The following MSRA variants were observed in gnomAD, a reference collection of about 807,000 sequenced individuals.
MSRA encodes mitochondrial peptide methionine sulfoxide reductase.
MSRA carries 54 observed loss-of-function variants against 31.3 expected under a neutral mutation model. That is an observed-to-expected ratio of 1.73 (90% CI 1.39 to 2.17). The LOEUF is 2.17. Among genes scored for constraint, MSRA ranks in the 30% most tolerant of loss-of-function variants. The pLI, the probability that MSRA is intolerant of heterozygous loss-of-function variation, is 0.00. For synonymous variants in MSRA, 169 were observed against 116.5 expected (o/e 1.45, Z -2.90); for missense variants, 507 against 300.9 (o/e 1.69, Z -5.07).
At chr8:10,367,756 T>C (rs1461815798) in intron 5 of MSRA, among the ~76,000 whole-genome samples, 1 of 152,258 alleles carries the variant, frequency 6.6e-6, no homozygotes, top group Non-Finnish European at 1.5e-5. Flanking sequence ...ACTGGTGTGT[T>C]GTGCTCAGCA....
At chr8:10,306,531 G>C (rs1419498554) in intron 4 of MSRA, among the ~76,000 whole-genome samples, 1 of 151,934 alleles carries the variant, frequency 6.6e-6, no homozygotes, top group Non-Finnish European at 1.5e-5. Context: ...TGGTTGGAAA[G>C]AGTTCAGCAT....
chr8:10,143,836 C>G (rs1421402245), intron 1 of MSRA, among the ~76,000 whole-genome samples: 1 of 152,218 alleles, frequency 6.6e-6, no homozygotes, highest in African/African-American at 2.4e-5. Context: ...ACCTCTAACT[C>G]TTCCTCAAAC....
intron 1 of MSRA, among the ~76,000 whole-genome samples, chr8:10,159,418 C>G (rs996274487): frequency 2.0e-5 from 3 of 152,092 alleles, no homozygotes; most frequent in African/African-American, 7.2e-5. Flanking sequence ...AGCAGTATCT[C>G]CAGAACTGGG....
chr8:10,207,243 G>A (rs7843443), intron 1 of MSRA, among the ~76,000 whole-genome samples: 10,230 of 152,216 alleles, frequency 0.067, 463 homozygotes, highest in African/African-American at 0.14. Context: ...GGACCTGGGT[G>A]GGGGGATAAG....
intron 1 of MSRA, among the ~76,000 whole-genome samples, chr8:10,082,363 G>C (rs1301335456): frequency 6.6e-6 from 1 of 152,130 alleles, no homozygotes; most frequent in Non-Finnish European, 1.5e-5. Flanking sequence ...CTCTAACCCT[G>C]GTTATTCCTG....
chr8:10,414,131 C>T (rs1242642868), intron 5 of MSRA, among the ~76,000 whole-genome samples: 1 of 152,074 alleles, frequency 6.6e-6, no homozygotes, highest in Non-Finnish European at 1.5e-5. Flanking sequence ...CGTGCCACTG[C>T]ACTCCAGCCT....
At chr8:10,336,720 T>G (rs113543942) in intron 5 of MSRA, 2 of 152,232 alleles carry the variant, frequency 1.3e-5, no homozygotes, top group Non-Finnish European at 2.9e-5. Context: ...CTGTATTTAT[T>G]CATACATTAG....
At chr8:10,091,827 G>A (rs907789967) in intron 1 of MSRA, among the ~76,000 whole-genome samples, 2 of 152,026 alleles carry the variant, frequency 1.3e-5, no homozygotes, top group African/African-American at 2.4e-5. Context: ...GGCTGGTCTC[G>A]AACTCTTGTC....
chr8:10,253,106 G>A (rs1798001914), intron 3 of MSRA, among the ~76,000 whole-genome samples: 1 of 152,180 alleles, frequency 6.6e-6, no homozygotes, highest in African/African-American at 2.4e-5. Context: ...ACTGAAGGCT[G>A]GCAAGCAGCA....
chr8:10,246,116 G>A (rs189592465), intron 3 of MSRA, among the ~76,000 whole-genome samples: 307 of 152,320 alleles, frequency 2.0e-3, no homozygotes, highest in African/African-American at 7.1e-3. Flanking sequence ...GTAAATTTTT[G>A]TTGAAGCACA....
In MSRA at chr8:10,240,396, A is replaced by G. The variant is rs967985019; in HGVS notation, c.212-4708A>G. Among the ~76,000 whole-genome samples, 5 of 152,252 alleles carry G rather than the reference A, an allele frequency of 3.3e-5. No homozygotes were observed. The South Asian group carries it at 8.3e-4, about 25-fold the overall frequency. ...TTGTGGCCAGTTCGTTCCTGCATCC[A>G]TTACGCAGGTACTAGGGTAGCCAGT... On this transcript the variant is annotated intron_variant, in intron 2 of 5. Coordinates refer to ENST00000317173, the MANE Select transcript of MSRA (RefSeq NM_012331.5).
At chr8:10,205,315 GA>G (rs1230523537) in intron 1 of MSRA, among the ~76,000 whole-genome samples, 1 of 152,086 alleles carries the variant, frequency 6.6e-6, no homozygotes, top group Non-Finnish European at 1.5e-5. Flanking sequence ...AAGTGAGGGG[GA>G]TGCTACAGGT....
At chr8:10,360,384 A>G (rs1157262545) in intron 5 of MSRA, among the ~76,000 whole-genome samples, 3 of 152,184 alleles carry the variant, frequency 2.0e-5, no homozygotes, top group Non-Finnish European at 4.4e-5. Flanking sequence ...TGGACTTGTA[A>G]TTTGGAGTTC....
intron 3 of MSRA, among the ~76,000 whole-genome samples, chr8:10,269,722 C>A (rs1798930531): frequency 6.6e-6 from 1 of 152,194 alleles, no homozygotes; most frequent in African/African-American, 2.4e-5. Flanking sequence ...TTGATCTCGG[C>A]TCACTGCAAG....
intron 2 of MSRA, among the ~76,000 whole-genome samples, chr8:10,231,314 A>G (rs919923394): frequency 3.9e-5 from 6 of 152,180 alleles, no homozygotes; most frequent in African/African-American, 1.4e-4. Flanking sequence ...TTCATTTGAG[A>G]TGAGTAAGAG....
intron 5 of MSRA, among the ~76,000 whole-genome samples, chr8:10,405,720 C>T (rs934672150): frequency 1.3e-5 from 2 of 152,200 alleles, no homozygotes; most frequent in Non-Finnish European, 2.9e-5. Flanking sequence ...CATGTGCTCA[C>T]ACACACAATC....
chr8:10,229,031 T>A (rs1010232347), intron 2 of MSRA, among the ~76,000 whole-genome samples: 2 of 152,228 alleles, frequency 1.3e-5, no homozygotes, highest in Non-Finnish European at 2.9e-5. Context: ...CTTGATTCTC[T>A]TTATCATTTC....
At chr8:10,360,890 G>A (rs899937809) in intron 5 of MSRA, among the ~76,000 whole-genome samples, 1 of 152,138 alleles carries the variant, frequency 6.6e-6, no homozygotes, top group Non-Finnish European at 1.5e-5. Context: ...CTCCAAAAAG[G>A]CAAGACCAGA....
At position 10,268,548 on chromosome 8, in the gene MSRA, C is replaced by G. The variant is rs957364061; in HGVS notation, c.331+23325C>G. Among the ~76,000 whole-genome samples, 5 of 152,252 alleles carry G rather than the reference C, an allele frequency of 3.3e-5. No homozygotes were observed. In the South Asian group the frequency reaches 1.0e-3, roughly 31 times the overall value. On this transcript the variant is annotated intron_variant, in intron 3 of 5. Coordinates refer to ENST00000317173, the MANE Select transcript of MSRA (RefSeq NM_012331.5). ...TCCCATCTGCCTCTTCTCTCCCTATCATCTAGACTAGCGCCTAGCACATAG... is the reference window on the plus strand; with the variant it reads ...TCCCATCTGCCTCTTCTCTCCCTATGATCTAGACTAGCGCCTAGCACATAG...
Sources: allele counts gnomAD v4.1 joint callset (sites outside exome capture counted in the v4.1 genomes callset), GRCh38; gene constraint gnomAD v4.1.1; transcripts MANE v1.5; gene names NCBI Gene and HGNC (gene_info 2026-07-23, HGNC 2026-07-21).